Variants in CACNA1B observed in about 807,000 individuals in gnomAD.
The protein encoded by CACNA1B is voltage-dependent N-type calcium channel subunit alpha-1B.
Under a neutral mutation model 247.2 loss-of-function variants are expected in CACNA1B, and 70 were observed. That is an observed-to-expected ratio of 0.28 (90% CI 0.23 to 0.35). CACNA1B has a LOEUF of 0.35. Ranked by LOEUF, CACNA1B falls within the 10% of genes least tolerant of loss-of-function variation. CACNA1B has a pLI of 1.00. For missense variants in CACNA1B, 2,367 were observed against 3,197.4 expected, an observed-to-expected ratio of 0.74 and a Z score of 6.26; for synonymous variants, 1,231 against 1,294.4, an observed-to-expected ratio of 0.95 and a Z score of 1.05.
In CACNA1B at chr9:137,880,227, G is replaced by C. The variant is rs1956898279; in HGVS notation, c.390+1068G>C. Among the ~76,000 whole-genome samples, 1 of 152,066 alleles carries C rather than the reference G, an allele frequency of 6.6e-6. No individual in the cohort carries two copies. Among genetic ancestry groups the C allele is most frequent in the Non-Finnish European group, 1.5e-5 (1 of 67,992 alleles). ...GTGAGGCACCAGGAGGTGAGTTATG[G>C]GTGGCCGAGGTGAGGAGGTCTTAAT... On this transcript the variant is annotated intron_variant, in intron 2 of 46. Coordinates refer to ENST00000371372, the MANE Select transcript of CACNA1B (RefSeq NM_000718.4). The surrounding 1 kb of genome is among the most constrained non-coding windows in gnomAD (Gnocchi z 4.8).
chr9:137,960,142 A>AG (rs1475659147), intron 10 of CACNA1B, among the ~76,000 whole-genome samples: 2 of 60,922 alleles, frequency 3.3e-5, no homozygotes, highest in Non-Finnish European at 3.1e-5. Context: ...CTGGAGAGAG[A>AG]GGGGAGCTTG....
intron 11 of CACNA1B, among the ~76,000 whole-genome samples, chr9:137,975,011 G>GGCTGGGCCTC (rs1423125917): frequency 6.6e-6 from 1 of 152,180 alleles, no homozygotes; most frequent in East Asian, 1.9e-4. Flanking sequence ...CTCAGCCAGC[G>GGCTGGGCCTC]GCTGGGCCTC....
chr9:138,077,891 G>A lies in CACNA1B; in HGVS notation c.4950-223G>A, dbSNP rs77804401. On this transcript the variant is annotated intron_variant, in intron 35 of 46. Transcript: ENST00000371372. ...CGCCCTGGCGCTGGCCCCTGGTGCC[G>A]TAGATAATTTTTAGTAAGCAGTGGT... is the stretch of plus-strand genomic sequence containing the variant. Among the ~76,000 whole-genome samples the A allele has an allele frequency of 4.9e-3, 740 of 152,352 alleles. 8 individuals are homozygous for A. The highest frequency in any genetic ancestry group is 0.017 in the African/African-American group (695 of 41,584).
chr9:138,068,750 G>A (rs1960019251), intron 31 of CACNA1B: 1 of 437,084 alleles, frequency 2.3e-6, no homozygotes, highest in Non-Finnish European at 4.6e-6. Flanking sequence ...CTGCTGAGAG[G>A]GCACAAAGTG....
chr9:137,956,698 A>C, intron 8 of CACNA1B, 73 bp from the exon 9 acceptor site: 246 of 1,238,494 alleles, frequency 2.0e-4, no homozygotes, highest in Non-Finnish European at 2.4e-4. Flanking sequence ...CCTTCCAGAC[A>C]GAGATGTGCC....
At chr9:137,925,534 T>C (rs1957539230) in intron 6 of CACNA1B, among the ~76,000 whole-genome samples, 1 of 152,238 alleles carries the variant, frequency 6.6e-6, no homozygotes, top group African/African-American at 2.4e-5. Context: ...TGCTAGTATA[T>C]AGAAATACAA....
At chr9:138,115,488 A>G (rs772701601) in intron 41 of CACNA1B, 64 bp from the exon 42 acceptor site, 65 of 1,552,850 alleles carry the variant, frequency 4.2e-5, no homozygotes, top group Non-Finnish European at 5.0e-5. Context: ...TGGTCAGAGC[A>G]GGTCACAGAG....
chr9:138,074,201 G>A (rs531023318), intron 34 of CACNA1B, 135 bp downstream of exon 34: 18 of 723,174 alleles, frequency 2.5e-5, no homozygotes, highest in African/African-American at 2.4e-4. Context: ...GCCAGATCCT[G>A]CTTTGAGCAC....
chr9:138,071,430 G>A (rs1224506005), intron 32 of CACNA1B, among the ~76,000 whole-genome samples: 1 of 152,204 alleles, frequency 6.6e-6, no homozygotes, highest in East Asian at 1.9e-4. Flanking sequence ...ACGGCGTGGC[G>A]CTGCGTGTGC....
At chr9:138,009,294 G>A (rs767586889) in intron 16 of CACNA1B, among the ~76,000 whole-genome samples, 3 of 152,362 alleles carry the variant, frequency 2.0e-5, no homozygotes, top group Middle Eastern at 3.4e-3. Context: ...TTGAGGCAAG[G>A]TGCAGTCCCA....
Position 138,007,098 on chromosome 9 carries a change from G to A in CACNA1B, c.2092+214G>A, listed in dbSNP as rs985635299. Among the ~76,000 whole-genome samples the A allele has an allele frequency of 8.6e-5, 13 of 151,956 alleles. No individual in the cohort carries two copies. Among genetic ancestry groups the A allele is most frequent in the African/African-American group, 2.4e-4 (10 of 41,344 alleles). On this transcript the variant is annotated intron_variant, in intron 16 of 46. Transcript: ENST00000371372. The surrounding 1 kb of genome is among the most constrained non-coding windows in gnomAD (Gnocchi z 4.1). ...AGCTTGAGGGAGCATGAGCTGCTGC[G>A]TGTGGGGGTATCCAGAGGTGGGGGT...
At chr9:137,924,219 A>G (rs191955859) in intron 6 of CACNA1B, among the ~76,000 whole-genome samples, 2 of 151,658 alleles carry the variant, frequency 1.3e-5, no homozygotes, top group Admixed American at 1.3e-4. Flanking sequence ...TTTTTTTCTA[A>G]AAGTTGTATT....
rs1001336469 is a variant in CACNA1B at position 138,057,122 on chromosome 9, A to G, written c.3969-610A>G. ...GGCTAATTATTTTTGTATTTTTAGTAGAGACGGGGGTTCACCATGTTAGCC... is the reference window on the plus strand; with the variant it reads ...GGCTAATTATTTTTGTATTTTTAGTGGAGACGGGGGTTCACCATGTTAGCC... On this transcript the variant is annotated intron_variant, in intron 26 of 46. Coordinates refer to ENST00000371372, the MANE Select transcript of CACNA1B (RefSeq NM_000718.4). The surrounding 1 kb of genome is among the most constrained non-coding windows in gnomAD (Gnocchi z 4.0). Among the ~76,000 whole-genome samples the G allele has an allele frequency of 6.6e-6, 1 of 151,830 alleles. No homozygotes were observed. Among genetic ancestry groups the G allele is most frequent in the African/African-American group, 2.4e-5 (1 of 41,358 alleles).
chr9:137,959,910 G>T (rs975112654), intron 10 of CACNA1B, among the ~76,000 whole-genome samples: 1 of 152,206 alleles, frequency 6.6e-6, no homozygotes, highest in Non-Finnish European at 1.5e-5. Context: ...GCCCCTGTCC[G>T]GAGGAGGAAG....
chr9:138,009,566 G>C (rs1262844859), intron 16 of CACNA1B, among the ~76,000 whole-genome samples: 1 of 152,232 alleles, frequency 6.6e-6, no homozygotes, highest in African/African-American at 2.4e-5. Flanking sequence ...CCCACCTGGA[G>C]CCTGTGGAGT....
Position 138,023,419 on chromosome 9 carries a change from C to T in CACNA1B, c.2676C>T (p.His892=). ...AGCGGCCGCGGCCGCACCGCAGCCA[C>T]AGCAAGGAGGCCGCGGGGCCCCCGG... is the stretch of plus-strand genomic sequence containing the variant. ...REERPRPHRS[H]SKEAAGPPEA... The change falls in exon 19 of 47, where the codon CAC becomes CAT. Residue 892 remains histidine (H), a synonymous_variant. Coordinates refer to ENST00000371372, the MANE Select transcript of CACNA1B (RefSeq NM_000718.4). 1 of 1,295,124 alleles carries T rather than the reference C, an allele frequency of 7.7e-7. No individual in the cohort carries two copies. The allele number at this position is 1,295,124 out of a possible 1,614,324, so 80.2% of individuals were successfully genotyped here.
rs1305972618 is a variant in CACNA1B at position 137,882,608 on chromosome 9, G to C, written c.391-136G>C. The C allele has an allele frequency of 7.5e-6, 7 of 934,316 alleles. No individual in the cohort carries two copies. Among genetic ancestry groups the C allele is most frequent in the Non-Finnish European group, 1.1e-5 (7 of 614,674 alleles). 57.9% of individuals were successfully genotyped at this position (934,316 alleles called of 1,614,324 possible). ...CCTTGGAGAATCTGCAGGGTGTTGG[G>C]GGCAAGGTGAGGAGGGTCAGACCCT... On this transcript the variant is annotated intron_variant, in intron 2 of 46. Transcript: ENST00000371372. The surrounding 1 kb of genome is among the most constrained non-coding windows in gnomAD (Gnocchi z 4.0).
At chr9:138,006,374 A>G (rs1958650527) in intron 15 of CACNA1B, among the ~76,000 whole-genome samples, 1 of 152,200 alleles carries the variant, frequency 6.6e-6, no homozygotes, top group Non-Finnish European at 1.5e-5. Flanking sequence ...GGCCGTGTGC[A>G]GCCCAGTCCC....
chr9:138,092,905 A>G (rs1161082767), intron 36 of CACNA1B, among the ~76,000 whole-genome samples: 1 of 152,220 alleles, frequency 6.6e-6, no homozygotes, highest in African/African-American at 2.4e-5. Context: ...CAGTGAAATA[A>G]TCAACAGAGT....
Sources: gnomAD v4.1 joint callset for allele counts (sites outside exome capture counted in the v4.1 genomes callset) on GRCh38, gnomAD v4.1.1 for gene constraint, Gnocchi (gnomAD v3.1) non-coding constraint, MANE v1.5 for transcripts, NCBI Gene and HGNC (gene_info 2026-07-23, HGNC 2026-07-21) for gene names.